Variants in NDUFA7 observed in about 807,000 individuals in gnomAD.
NDUFA7 encodes NADH:ubiquinone oxidoreductase subunit A7.
NDUFA7 carries 18 observed loss-of-function variants against 14.2 expected under a neutral mutation model. That is an observed-to-expected ratio of 1.27 (90% confidence interval 0.88 to 1.88). The LOEUF (loss-of-function observed/expected upper bound fraction) is 1.88. Among genes scored for constraint, NDUFA7 ranks in the 40% most tolerant of loss-of-function variants. The pLI is 0.00. For synonymous variants in NDUFA7, 75 were observed against 62.1 expected, an observed-to-expected ratio of 1.21 and a Z score of -0.98; for missense variants, 172 against 147.3, an observed-to-expected ratio of 1.17 and a Z score of -0.87.
chr19:8,312,903 G>A (rs1314031600), intron 3 of NDUFA7, among the ~76,000 whole-genome samples: 1 of 152,084 alleles, frequency 6.6e-6, no homozygotes, highest in Non-Finnish European at 1.5e-5. Context: ...GGGCTCAAGC[G>A]ATCCACCCGC....
At chr19:8,309,459 G>C (rs548050259), downstream of NDUFA7, among the ~76,000 whole-genome samples, 95 of 151,448 alleles carry the variant, frequency 6.3e-4, 3 homozygotes, top group South Asian at 0.018. Context: ...GGGTGACAGA[G>C]TGAGACTCTG....
In NDUFA7 at chr19:8,316,606, G is replaced by C. The variant is rs1488340212; in HGVS notation, c.141C>G (p.His47Gln). The C allele has an allele frequency of 6.2e-7, 1 of 1,614,088 alleles. No individual in the cohort carries two copies. The highest frequency in any genetic ancestry group is 1.7e-5 in the Admixed American group (1 of 60,000). The change falls in exon 3 of 4, where the codon CAC (histidine) becomes CAG (glutamine). Residue 47 changes from histidine to glutamine, a missense_variant. Coordinates refer to ENST00000301457, the MANE Select transcript of NDUFA7 (RefSeq NM_005001.5). ...TGCAATAGTAATTGTTGGAGAGCTTGTGGCTAGGACCCACAGGGAGCTTGG... is the reference window on the plus strand; with the variant it reads ...TGCAATAGTAATTGTTGGAGAGCTTCTGGCTAGGACCCACAGGGAGCTTGG... ...PPPKLPVGPS[H>Q]KLSNNYYCTR... is the part of the protein sequence containing the mutation.
intron 2 of NDUFA7, among the ~76,000 whole-genome samples, chr19:8,317,493 A>T (rs1346456851): frequency 6.6e-6 from 1 of 152,216 alleles, no homozygotes; most frequent in African/African-American, 2.4e-5. Context: ...TGGGCGACAG[A>T]GCGAGACTCC....
intron 2 of NDUFA7, among the ~76,000 whole-genome samples, chr19:8,317,644 C>T (rs544590020): frequency 1.3e-5 from 2 of 152,170 alleles, no homozygotes; most frequent in African/African-American, 2.4e-5. Flanking sequence ...AACTGTTTCC[C>T]GGAATTTAAT....
intron 3 of NDUFA7, 59 bp downstream of exon 3, chr19:8,316,437 C>CA (rs1318267614): frequency 6.3e-7 from 1 of 1,592,426 alleles, no homozygotes; most frequent in Non-Finnish European, 8.6e-7. Flanking sequence ...AGTTGGGAGA[C>CA]AGAGTGGGTT....
At chr19:8,309,185 G>A (rs1970144045), downstream of NDUFA7, among the ~76,000 whole-genome samples, 1 of 151,292 alleles carries the variant, frequency 6.6e-6, no homozygotes, top group Admixed American at 6.6e-5. Flanking sequence ...CCATTTGTTA[G>A]AAAAGTTGGC....
intron 3 of NDUFA7, among the ~76,000 whole-genome samples, chr19:8,312,053 G>C (rs1970184662): frequency 6.6e-6 from 1 of 152,244 alleles, no homozygotes; most frequent in African/African-American, 2.4e-5. Flanking sequence ...GCAGAGCCAG[G>C]AAGATGGGGC....
intron 2 of NDUFA7, chr19:8,316,891 C>T (rs1970242328): frequency 4.0e-6 from 2 of 495,246 alleles, no homozygotes; most frequent in Non-Finnish European, 7.3e-6. Flanking sequence ...CCCACCTGTC[C>T]CAAATGTGGA....
intron 1 of NDUFA7, 173 bp from the exon 2 acceptor site, chr19:8,321,079 G>T: frequency 1.1e-6 from 1 of 871,006 alleles, no homozygotes; most frequent in Non-Finnish European, 1.8e-6. Flanking sequence ...CAGAGTCCGG[G>T]CCCACAGATC....
At chr19:8,311,690 G>A in intron 3 of NDUFA7, 95 bp from the exon 4 acceptor site, 1 of 992,694 alleles carries the variant, frequency 1.0e-6, no homozygotes, top group Non-Finnish European at 1.5e-6. Flanking sequence ...CACACCCACA[G>A]GGACTTTCTG....
chr19:8,318,036 G>A lies in NDUFA7; in HGVS notation c.102-1391C>T, dbSNP rs188967908. ...AAATAAGAAACATAAAGTAAAAAAT[G>A]TTTAATATTAAAAGCAATATATTAT... On this transcript the variant is annotated intron_variant, in intron 2 of 3. Transcript: ENST00000301457. Among the ~76,000 whole-genome samples the A allele has an allele frequency of 1.2e-4, 18 of 152,158 alleles. No homozygotes were observed. In the East Asian group the frequency reaches 3.5e-3, roughly 29 times the overall value.
intron 3 of NDUFA7, among the ~76,000 whole-genome samples, chr19:8,314,379 ACAGGACCCTT>A (rs1255661508): frequency 6.8e-6 from 1 of 147,002 alleles, no homozygotes; most frequent in African/African-American, 2.7e-5. Flanking sequence ...TCAGTTTCTC[ACAGGACCCTT>A]GGAGGGACCC....
In NDUFA7 at chr19:8,321,339, A is replaced by C. The variant is rs1182655754; in HGVS notation, c.20T>G (p.Leu7Arg). 1.3e-6 allele frequency: 2 copies of C among 1,579,718 alleles called. No homozygotes were observed. Among genetic ancestry groups the C allele is most frequent in the Non-Finnish European group, 1.7e-6 (2 of 1,165,360 alleles). The change falls in exon 1 of 4, where the codon CTC (leucine) becomes CGC (arginine). Residue 7 changes from leucine to arginine, a missense_variant. Coordinates refer to ENST00000301457, the MANE Select transcript of NDUFA7 (RefSeq NM_005001.5). The part of the protein sequence containing the change: MASATR[L>R]IQRLRNWASG... ...CGCCCAGTTCCGCAGCCGCTGGATG[A>C]GACGGGTGGCGGACGCCATCTTCCG...
chr19:8,312,120 C>T (rs1034135917), intron 3 of NDUFA7, among the ~76,000 whole-genome samples: 7 of 152,220 alleles, frequency 4.6e-5, no homozygotes, highest in Non-Finnish European at 8.8e-5. Context: ...CAAATGGCAA[C>T]TGCAAAACGC....
intron 2 of NDUFA7, chr19:8,319,301 C>T (rs1026960578): frequency 2.6e-5 from 4 of 152,178 alleles, no homozygotes; most frequent in African/African-American, 9.6e-5. Context: ...TGGCTCACAC[C>T]TGTAATCCCA....
chr19:8,312,637 C>T (rs935209877), intron 3 of NDUFA7, among the ~76,000 whole-genome samples: 1 of 151,972 alleles, frequency 6.6e-6, no homozygotes, highest in Admixed American at 6.6e-5. Flanking sequence ...TGCACCATCA[C>T]TCCCGGCTAA....
downstream of NDUFA7, among the ~76,000 whole-genome samples, chr19:8,310,331 A>C (rs1226980030): frequency 6.6e-6 from 1 of 152,036 alleles, no homozygotes; most frequent in Non-Finnish European, 1.5e-5. Flanking sequence ...CGGGAGGCTG[A>C]GGCAAGAGAA....
rs1302865195 is a variant in NDUFA7 at position 8,316,380 on chromosome 19, G to A, written c.251+116C>T. ...AAGCTCCCAGCAGCACAGTTCCTGC[G>A]CAACTGATGCTTACTAAGTAGGATC... is the stretch of plus-strand genomic sequence containing the variant. On this transcript the variant is annotated intron_variant, in intron 3 of 3. Transcript: ENST00000301457. The A allele has an allele frequency of 7.7e-6, 11 of 1,426,268 alleles. No homozygotes were observed. The South Asian group carries it at 7.9e-5, about 10-fold the overall frequency. The allele number at this position is 1,426,268 out of a possible 1,614,324, so 88.4% of individuals were successfully genotyped here. A position where few individuals can be genotyped will look rare whatever the true frequency, so the allele number is the denominator to read the frequency against.
intron 3 of NDUFA7, among the ~76,000 whole-genome samples, chr19:8,313,797 G>A (rs974182663): frequency 1.3e-5 from 2 of 152,238 alleles, no homozygotes; most frequent in African/African-American, 4.8e-5. Flanking sequence ...TTCCTCTTCT[G>A]CAAGAGGGGT....
Sources: gnomAD v4.1 joint callset for allele counts (sites outside exome capture counted in the v4.1 genomes callset) on GRCh38, gnomAD v4.1.1 for gene constraint, MANE v1.5 for transcripts, NCBI Gene and HGNC (gene_info 2026-07-23, HGNC 2026-07-21) for gene names.